Variants in ATP2B2 observed in about 807,000 individuals in gnomAD.
ATP2B2 encodes plasma membrane calcium-transporting ATPase 2.
ATP2B2 carries 15 observed loss-of-function variants against 120.0 expected under a neutral mutation model. The observed-to-expected ratio is 0.12, with a 90% CI of 0.08 to 0.19. ATP2B2 has a LOEUF of 0.19. Among genes scored for constraint, ATP2B2 ranks in the 10% least tolerant of loss-of-function variants. The probability of loss-of-function intolerance (pLI) is 1.00; values close to 1 mark genes in which losing one functional copy is unlikely to be tolerated. For missense variants in ATP2B2, 1,045 were observed against 1,719.8 expected (o/e 0.61, Z 6.94); for synonymous variants, 694 against 700.3 (o/e 0.99, Z 0.14).
intron 1 of ATP2B2, among the ~76,000 whole-genome samples, chr3:10,491,114 C>T (rs2065916032): frequency 6.6e-6 from 1 of 152,036 alleles, no homozygotes; most frequent in Non-Finnish European, 1.5e-5. Flanking sequence ...GGGGAGGGGG[C>T]AACAATGCAT....
In ATP2B2 at chr3:10,378,428, C is replaced by T. The variant is rs773384958; in HGVS notation, c.1043-18G>A. 29 of 1,599,766 alleles carry T rather than the reference C, an allele frequency of 1.8e-5. No homozygotes were observed. The highest frequency in any genetic ancestry group is 1.1e-4 in the East Asian group (5 of 44,882). On this transcript the variant is annotated intron_variant, in intron 9 of 22. Coordinates refer to ENST00000360273, the MANE Select transcript of ATP2B2 (RefSeq NM_001001331.4). ...TTGTTTGGCTGCAGGGGGCAGATCA[C>T]GCACGTGCATACACACAGACACATA... is the stretch of plus-strand genomic sequence containing the variant.
intron 3 of ATP2B2, among the ~76,000 whole-genome samples, chr3:10,518,122 AG>A (rs1291926058): frequency 6.6e-6 from 1 of 152,226 alleles, no homozygotes; most frequent in East Asian, 1.9e-4. Flanking sequence ...CTCAAACTCC[AG>A]TAATGATGTT....
At chr3:10,654,885 C>T (rs1439334800) in intron 1 of ATP2B2, among the ~76,000 whole-genome samples, 1 of 152,040 alleles carries the variant, frequency 6.6e-6, no homozygotes, top group African/African-American at 2.4e-5. Flanking sequence ...CTGAAGCTGT[C>T]CACAAACCAC....
chr3:10,552,284 G>T (rs2067686683), intron 2 of ATP2B2, among the ~76,000 whole-genome samples: 1 of 152,234 alleles, frequency 6.6e-6, no homozygotes, highest in Admixed American at 6.5e-5. Context: ...GGAAGAGGGG[G>T]CCCTTCTCCT....
At chr3:10,550,450 G>T (rs948749039) in intron 2 of ATP2B2, among the ~76,000 whole-genome samples, 1 of 152,024 alleles carries the variant, frequency 6.6e-6, no homozygotes, top group African/African-American at 2.4e-5. Flanking sequence ...AAATAAACTT[G>T]ATCCTAATAT....
intron 1 of ATP2B2, among the ~76,000 whole-genome samples, chr3:10,490,001 C>T (rs752802035): frequency 5.1e-4 from 77 of 152,240 alleles, no homozygotes; most frequent in South Asian, 1.0e-3. Context: ...GTGCCTTTGC[C>T]TAGAGCACCC....
At chr3:10,350,924 CT>C (rs1383374199) in intron 14 of ATP2B2, among the ~76,000 whole-genome samples, 3 of 152,200 alleles carry the variant, frequency 2.0e-5, no homozygotes, top group African/African-American at 7.2e-5. Flanking sequence ...TGAACGCCTC[CT>C]CAGATCTGGC....
At chr3:10,705,011 A>G (rs1279322694) in intron 1 of ATP2B2, among the ~76,000 whole-genome samples, 1 of 152,246 alleles carries the variant, frequency 6.6e-6, no homozygotes, top group East Asian at 1.9e-4. Context: ...CAGTTTGCTT[A>G]GTGAAACTGT....
At chr3:10,349,999 A>G in intron 16 of ATP2B2, 113 bp downstream of exon 16, 1 of 1,084,284 alleles carries the variant, frequency 9.2e-7, no homozygotes, top group Admixed American at 2.0e-5. Flanking sequence ...GTGGAGAGTC[A>G]GGGGCGAGGG....
intron 12 of ATP2B2, among the ~76,000 whole-genome samples, chr3:10,366,755 G>A (rs957923329): frequency 6.6e-6 from 1 of 152,186 alleles, no homozygotes; most frequent in Non-Finnish European, 1.5e-5. Flanking sequence ...GCTCAGCTGT[G>A]GCTCGGAGGA....
chr3:10,606,654 T>A (rs960915660), intron 2 of ATP2B2, among the ~76,000 whole-genome samples: 4 of 152,002 alleles, frequency 2.6e-5, no homozygotes, highest in East Asian at 1.9e-4. Flanking sequence ...GTTTTGGAGA[T>A]GTGTATCTGT....
chr3:10,679,949 G>A (rs183057171), intron 1 of ATP2B2, among the ~76,000 whole-genome samples: 52 of 152,202 alleles, frequency 3.4e-4, no homozygotes, highest in African/African-American at 1.2e-3. Context: ...GCTGGTGGTC[G>A]GTATATGGTT....
intron 2 of ATP2B2, among the ~76,000 whole-genome samples, chr3:10,442,884 T>TA (rs1439431344): frequency 2.6e-5 from 4 of 152,228 alleles, no homozygotes; most frequent in African/African-American, 9.6e-5. Context: ...ACAGCGACCC[T>TA]ATGAAAGAGG....
rs1435165880 is a variant in ATP2B2, at chr3:10,388,310, C to T, written c.874G>A (p.Gly292Ser). Reference protein sequence around the residue: ...TGIIFTLLGAGGEEEEKKDKK... With the variant: ...TGIIFTLLGASGEEEEKKDKK... The stretch of plus-strand genomic sequence containing the variant: ...TCTTTCTTCTCTTCCTCTTCACCAC[C>T]AGCCCCCAGGAGGGTAAAGATGATG... The change falls in exon 6 of 23, where the codon GGT becomes AGT. Residue 292 changes from glycine (G) to serine (S), a missense_variant. Transcript: ENST00000360273. The T allele has an allele frequency of 6.2e-7, 1 of 1,614,094 alleles. No individual in the cohort carries two copies. The highest frequency in any genetic ancestry group is 1.3e-5 in the African/African-American group (1 of 74,930).
chr3:10,350,441 T>G lies in ATP2B2; in HGVS notation c.2273A>C (p.Glu758Ala). 1 of 1,614,214 alleles carries G rather than the reference T, an allele frequency of 6.2e-7. No individual in the cohort carries two copies. The highest frequency in any genetic ancestry group is 8.5e-7 in the Non-Finnish European group (1 of 1,180,022). The change falls in exon 15 of 23, where the codon GAG becomes GCG. Residue 758 changes from glutamate to alanine, a missense_variant. This residue lies in a region of ATP2B2 where 343 missense variants were observed against 536.8 expected (regional missense o/e 0.64). Coordinates refer to ENST00000360273, the MANE Select transcript of ATP2B2 (RefSeq NM_001001331.4). ...GATCCTCCTGTTGAACTCCTTGCCC[T>G]CGAGGCACAGAAAGTCCTCCCCAGG... is the stretch of plus-strand genomic sequence containing the variant. ...IHPGEDFLCLEGKEFNRRIRN... is the reference protein window; with the variant it reads ...IHPGEDFLCLAGKEFNRRIRN...
chr3:10,401,990 T>A, intron 4 of ATP2B2, 101 bp downstream of exon 4: 2 of 1,568,918 alleles, frequency 1.3e-6, no homozygotes, highest in Non-Finnish European at 1.7e-6. Context: ...CCTTCAGGAA[T>A]GCATCCCCTT....
At chr3:10,563,777 A>C (rs1056681341) in intron 2 of ATP2B2, among the ~76,000 whole-genome samples, 10 of 152,116 alleles carry the variant, frequency 6.6e-5, no homozygotes, top group African/African-American at 2.2e-4. Flanking sequence ...CTCTGAAAAC[A>C]ACTCTCAGAG....
At chr3:10,497,313 C>T (rs1037220059) in intron 1 of ATP2B2, among the ~76,000 whole-genome samples, 1 of 152,180 alleles carries the variant, frequency 6.6e-6, no homozygotes, top group Non-Finnish European at 1.5e-5. Flanking sequence ...TGGGCTGGTG[C>T]CTGGACATTG....
chr3:10,512,662 T>TGCAGAGGA (rs1489441721), intron 3 of ATP2B2, among the ~76,000 whole-genome samples: 1 of 152,176 alleles, frequency 6.6e-6, no homozygotes, highest in East Asian at 1.9e-4. Context: ...CTGGAAGGCT[T>TGCAGAGGA]GCAGAGGAGC....
Sources: gnomAD v4.1 joint callset for allele counts (sites outside exome capture counted in the v4.1 genomes callset) on GRCh38, gnomAD v4.1.1 for gene constraint, gnomAD v4.1.1 regional missense constraint, MANE v1.5 for transcripts, NCBI Gene and HGNC (gene_info 2026-07-23, HGNC 2026-07-21) for gene names.